M1AP: variants seen among roughly 807,000 people sequenced by gnomAD.
M1AP encodes the protein meiosis 1 arrest protein.
In M1AP, 39 loss-of-function variants were observed where a neutral mutation model predicts 51.2. The observed-to-expected ratio is 0.76, with a 90% CI of 0.59 to 1.00. The LOEUF is 1.00. Among genes scored for constraint, M1AP ranks in the 50% least tolerant of loss-of-function variants. The pLI is 0.00. For synonymous variants in M1AP, 251 were observed against 249.2 expected (o/e 1.01, Z -0.07); for missense variants, 545 against 641.2 (o/e 0.85, Z 1.62).
intron 4 of M1AP, among the ~76,000 whole-genome samples, chr2:74,603,446 C>T (rs1016578935): frequency 3.9e-5 from 6 of 152,128 alleles, no homozygotes; most frequent in African/African-American, 7.2e-5. Context: ...TGCTAAATTA[C>T]GTGGTAGAGA....
chr2:74,619,886 C>T (rs1681902461), intron 2 of M1AP, among the ~76,000 whole-genome samples: 1 of 152,134 alleles, frequency 6.6e-6, no homozygotes, highest in Non-Finnish European at 1.5e-5. Context: ...CTGATACATT[C>T]TTGGAACAAA....
chr2:74,598,406 A>AATAC (rs1680469634), intron 4 of M1AP, among the ~76,000 whole-genome samples: 1 of 151,844 alleles, frequency 6.6e-6, no homozygotes, highest in Non-Finnish European at 1.5e-5. Flanking sequence ...TAAATAAATA[A>AATAC]ATAAATAAAA....
chr2:74,578,884 C>T (rs1679242801), intron 5 of M1AP, among the ~76,000 whole-genome samples: 1 of 152,104 alleles, frequency 6.6e-6, no homozygotes, highest in African/African-American at 2.4e-5. Flanking sequence ...GAGCCATACT[C>T]CAGAAATCTA....
chr2:74,625,554 A>C (rs150553519), intron 2 of M1AP, among the ~76,000 whole-genome samples: 1 of 152,148 alleles, frequency 6.6e-6, no homozygotes, highest in Non-Finnish European at 1.5e-5. Flanking sequence ...CCTTCAGTAC[A>C]TGCTCTGTGA....
At chr2:74,582,365 ACCCC>A (rs1679459132) in intron 4 of M1AP, among the ~76,000 whole-genome samples, 1 of 152,096 alleles carries the variant, frequency 6.6e-6, no homozygotes, top group South Asian at 2.1e-4. Context: ...AATAATAAAA[ACCCC>A]AAACGGGAAG....
At chr2:74,561,265 A>AGGAGG (rs1677990110) in intron 8 of M1AP, among the ~76,000 whole-genome samples, 3 of 35,408 alleles carry the variant, frequency 8.5e-5, no homozygotes, top group African/African-American at 3.2e-4. Context: ...GGAGGAGAAG[A>AGGAGG]AGAAAAAGAA....
At chr2:74,632,141 T>C (rs1304651556) in intron 2 of M1AP, among the ~76,000 whole-genome samples, 1 of 151,978 alleles carries the variant, frequency 6.6e-6, no homozygotes, top group East Asian at 1.9e-4. Flanking sequence ...CAGTGAGGAG[T>C]CTGATTCCTG....
At chr2:74,628,675 G>A (rs1682537787) in intron 2 of M1AP, 4 of 698,242 alleles carry the variant, frequency 5.7e-6, no homozygotes, top group Non-Finnish European at 7.4e-6. Flanking sequence ...CACCAACATA[G>A]GCCAACCATT....
Position 74,640,279 on chromosome 2 carries a change from A to G in M1AP, c.-4T>C. The G allele has an allele frequency of 6.2e-7, 1 of 1,614,066 alleles. No individual in the cohort carries two copies. Among genetic ancestry groups the G allele is most frequent in the Non-Finnish European group, 8.5e-7 (1 of 1,179,958 alleles). ...CAGTAGTTCGCCCAGGATGCATGGC[A>G]GCAAAACCAGAGGGGGAACTGTAGC... On this transcript the variant is annotated 5_prime_UTR_variant, in exon 2 of 11. Transcript: ENST00000421985.
chr2:74,645,765 T>C (rs914422975), intron 1 of M1AP, among the ~76,000 whole-genome samples: 2 of 152,206 alleles, frequency 1.3e-5, no homozygotes, highest in African/African-American at 4.8e-5. Context: ...TGCTCCACAG[T>C]TGCAGTACCT....
At position 74,562,431 on chromosome 2, in the gene M1AP, A is replaced by G. The variant is rs879088529; in HGVS notation, c.1075-8T>C. On this transcript the variant is annotated splice_region_variant and splice_polypyrimidine_tract_variant and intron_variant, in intron 7 of 10. Coordinates refer to ENST00000421985, the MANE Select transcript of M1AP (RefSeq NM_001321739.2). The stretch of plus-strand genomic sequence containing the variant: ...CAGCAGCCATTCCCTTTTCTGAAAC[A>G]AGGACATACAGAAATACTGGTTCAT... 6.2e-6 allele frequency: 10 copies of G among 1,614,070 alleles called. No individual in the cohort carries two copies. The South Asian group carries it at 7.7e-5, about 12-fold the overall frequency.
intron 8 of M1AP, 45 bp downstream of exon 8, chr2:74,562,172 C>T (rs761062952): frequency 6.4e-7 from 1 of 1,555,104 alleles, no homozygotes; most frequent in Non-Finnish European, 8.7e-7. Flanking sequence ...TTCTCAAACT[C>T]CATTCGCTTC....
intron 4 of M1AP, among the ~76,000 whole-genome samples, chr2:74,596,691 C>G (rs1238173731): frequency 6.6e-6 from 1 of 152,196 alleles, no homozygotes; most frequent in East Asian, 1.9e-4. Context: ...TAGCAGCTTT[C>G]TTCACAATAG....
intron 7 of M1AP, 77 bp downstream of exon 7, chr2:74,575,361 G>C (rs1573080200): frequency 1.3e-6 from 2 of 1,594,948 alleles, no homozygotes; most frequent in African/African-American, 2.7e-5. Flanking sequence ...GGATTGGGCA[G>C]AGTTAGTTAG....
At chr2:74,640,650 G>A (rs983983426) in intron 1 of M1AP, among the ~76,000 whole-genome samples, 3 of 151,982 alleles carry the variant, frequency 2.0e-5, no homozygotes, top group African/African-American at 7.3e-5. Context: ...TAGAGATGGG[G>A]TTTCACCATG....
At position 74,575,561 on chromosome 2, in the gene M1AP, C is replaced by A. The variant is rs746573239; in HGVS notation, c.951G>T (p.Gly317=). The A allele has an allele frequency of 1.1e-5, 18 of 1,614,004 alleles. No individual in the cohort carries two copies. In the East Asian group the frequency reaches 4.0e-4, roughly 36 times the overall value. Residue 317 remains glycine, a synonymous_variant, in exon 7 of 11, where the codon GGG becomes GGT. Coordinates refer to ENST00000421985, the MANE Select transcript of M1AP (RefSeq NM_001321739.2). ...LQVIKALKSS[G]LCESLTYGLP... Reference sequence around the variant, plus strand: ...GTCCATATGTCAATGACTCGCAGAGCCCGCTAGATTTTAAAGCCCTAGGAA... The same window carrying A: ...GTCCATATGTCAATGACTCGCAGAGACCGCTAGATTTTAAAGCCCTAGGAA...
chr2:74,608,079 C>T (rs1486028277), intron 3 of M1AP, among the ~76,000 whole-genome samples: 2 of 151,300 alleles, frequency 1.3e-5, no homozygotes, highest in Non-Finnish European at 2.9e-5. Context: ...TATATTGACA[C>T]ATCATAATCA....
At chr2:74,620,101 G>C (rs1681915899) in intron 2 of M1AP, among the ~76,000 whole-genome samples, 1 of 152,150 alleles carries the variant, frequency 6.6e-6, no homozygotes, top group African/African-American at 2.4e-5. Flanking sequence ...TCCTTGTTCA[G>C]TTAAGTTTCT....
At chr2:74,608,794 G>A (rs1386724069) in intron 3 of M1AP, among the ~76,000 whole-genome samples, 2 of 152,144 alleles carry the variant, frequency 1.3e-5, no homozygotes, top group Non-Finnish European at 1.5e-5. Context: ...GGTATGTGGT[G>A]GTATTTCATT....
Sources: allele counts gnomAD v4.1 joint callset (sites outside exome capture counted in the v4.1 genomes callset), GRCh38; gene constraint gnomAD v4.1.1; transcripts MANE v1.5; gene names NCBI Gene and HGNC (gene_info 2026-07-23, HGNC 2026-07-21).